XKR6: variants seen among roughly 807,000 people sequenced by gnomAD.
XKR6 encodes XK-related protein 6.
Under a neutral mutation model 56.7 loss-of-function variants are expected in XKR6, and 22 were observed. The ratio of observed to expected loss-of-function variants is 0.39; its 90% CI spans 0.28 to 0.55. XKR6 has a LOEUF of 0.55. Among genes scored for constraint, XKR6 ranks in the 20% least tolerant of loss-of-function variants. The pLI, the probability that XKR6 is intolerant of heterozygous loss-of-function variation, is 0.66. For missense variants in XKR6, 852 were observed against 889.0 expected, an observed-to-expected ratio of 0.96 and a Z score of 0.53; for synonymous variants, 524 against 387.8, an observed-to-expected ratio of 1.35 and a Z score of -4.13.
intron 1 of XKR6, among the ~76,000 whole-genome samples, chr8:11,195,554 A>G (rs1803833243): frequency 6.6e-6 from 1 of 152,204 alleles, no homozygotes; most frequent in African/African-American, 2.4e-5. Flanking sequence ...GGTAAGTCTC[A>G]ACATTCTTCA....
chr8:11,047,357 A>C (rs1799435816), intron 1 of XKR6, among the ~76,000 whole-genome samples: 1 of 152,200 alleles, frequency 6.6e-6, no homozygotes, highest in African/African-American at 2.4e-5. Flanking sequence ...TATGTTAAGA[A>C]TATTTTATTT....
At position 11,127,805 on chromosome 8, in the gene XKR6, C is replaced by T. The variant is rs895648433; in HGVS notation, c.764+72771G>A. Among the ~76,000 whole-genome samples the T allele has an allele frequency of 3.3e-5, 5 of 152,046 alleles. No homozygotes were observed. The East Asian group carries it at 5.8e-4, about 18-fold the overall frequency. ...TCTGGGGATTGGAATATGGACACTG[C>T]GGGGGGCGCCATTAATGTGTCTACC... On this transcript the variant is annotated intron_variant, in intron 1 of 2. Transcript: ENST00000416569.
At chr8:11,157,672 T>C (rs898663487) in intron 1 of XKR6, among the ~76,000 whole-genome samples, 2 of 152,114 alleles carry the variant, frequency 1.3e-5, no homozygotes, top group African/African-American at 4.8e-5. Flanking sequence ...CATGCCACCA[T>C]ACATAGCTAA....
chr8:11,061,858 T>G (rs896351893), intron 1 of XKR6, among the ~76,000 whole-genome samples: 2 of 152,092 alleles, frequency 1.3e-5, no homozygotes, highest in African/African-American at 4.8e-5. Context: ...CTGGAGGCTG[T>G]TAAAATGAGT....
intron 1 of XKR6, among the ~76,000 whole-genome samples, chr8:11,045,642 A>G (rs2129157708): frequency 6.6e-6 from 1 of 152,330 alleles, no homozygotes; most frequent in East Asian, 1.9e-4. Context: ...TGTTGCGGAC[A>G]GCTCGGAGAA....
At chr8:11,108,079 G>A (rs1466805058) in intron 1 of XKR6, 3 of 334,632 alleles carry the variant, frequency 9.0e-6, no homozygotes, top group Non-Finnish European at 1.7e-5. Flanking sequence ...TGTAACAGGT[G>A]GAGAATCCCA....
intron 1 of XKR6, among the ~76,000 whole-genome samples, chr8:10,976,757 C>T (rs1006956960): frequency 5.9e-5 from 8 of 134,896 alleles, no homozygotes; most frequent in African/African-American, 2.3e-4. Flanking sequence ...TCGCCTGTCT[C>T]TCTCTCTCTC....
chr8:11,100,358 T>C (rs1461666269), intron 1 of XKR6, among the ~76,000 whole-genome samples: 1 of 152,222 alleles, frequency 6.6e-6, no homozygotes, highest in Admixed American at 6.5e-5. Context: ...CTTGGCCTCA[T>C]TTTTAAAAAA....
chr8:11,179,812 A>C (rs1246019068), intron 1 of XKR6, among the ~76,000 whole-genome samples: 20 of 152,190 alleles, frequency 1.3e-4, no homozygotes, highest in Non-Finnish European at 2.1e-4. Flanking sequence ...GAGTTTACCA[A>C]GGGAGAAAAC....
At position 11,101,806 on chromosome 8, in the gene XKR6, A is replaced by G. The variant is rs541597497; in HGVS notation, c.764+98770T>C. ...CTCATGCTGTTTAGTTTGTGGGTTT[A>G]TCTCGGCCTGGAGTGTCCTCCTAAG... On this transcript the variant is annotated intron_variant, in intron 1 of 2. Coordinates refer to ENST00000416569, the MANE Select transcript of XKR6 (RefSeq NM_173683.4). Among the ~76,000 whole-genome samples, 38 of 152,138 alleles carry G rather than the reference A, an allele frequency of 2.5e-4. 1 individual carries two copies. The South Asian group carries it at 7.7e-3, about 31-fold the overall frequency.
At chr8:11,147,593 T>C (rs1209668517) in intron 1 of XKR6, among the ~76,000 whole-genome samples, 2 of 149,524 alleles carry the variant, frequency 1.3e-5, no homozygotes, top group African/African-American at 5.0e-5. Flanking sequence ...GAGGCGGAGG[T>C]TGCAGTGAGC....
chr8:10,908,684 C>T (rs1416907202), intron 2 of XKR6, among the ~76,000 whole-genome samples: 2 of 152,130 alleles, frequency 1.3e-5, no homozygotes, highest in African/African-American at 2.4e-5. Context: ...ACTGCAACTC[C>T]CTGCCATGGT....
rs536219897 is a variant in XKR6, at chr8:11,177,428, G to A, written c.764+23148C>T. ...AGAGTTTCAAAACCCATTATGCTAAGAAAAGACCATGAGTGTTATGGGCTC... is the reference window on the plus strand; with the variant it reads ...AGAGTTTCAAAACCCATTATGCTAAAAAAAGACCATGAGTGTTATGGGCTC... On this transcript the variant is annotated intron_variant, in intron 1 of 2. Coordinates refer to ENST00000416569, the MANE Select transcript of XKR6 (RefSeq NM_173683.4). 3.8e-3 allele frequency among the ~76,000 whole-genome samples: 575 copies of A among 152,290 alleles called. 6 individuals are homozygous for A. The highest frequency in any genetic ancestry group is 4.4e-3 in the Non-Finnish European group (299 of 68,014).
rs1302974756 is a variant in XKR6, at chr8:11,094,293, A to G, written c.764+106283T>C. Among the ~76,000 whole-genome samples the G allele has an allele frequency of 5.9e-5, 9 of 152,064 alleles. No individual in the cohort carries two copies. The East Asian group carries it at 1.7e-3, about 29-fold the overall frequency. ...AACCTCTGTCTCCGGGGTTCAAGCG[A>G]TTCTCCTGCTGCAGCCTCCTGAGTA... is the stretch of plus-strand genomic sequence containing the variant. On this transcript the variant is annotated intron_variant, in intron 1 of 2. Transcript: ENST00000416569.
intron 1 of XKR6, among the ~76,000 whole-genome samples, chr8:10,949,396 G>A (rs575867183): frequency 1.3e-5 from 2 of 152,330 alleles, no homozygotes; most frequent in Admixed American, 6.5e-5. Context: ...TGGGAGGCAG[G>A]CAAGCCCCTT....
At chr8:11,179,919 G>A (rs1189344211) in intron 1 of XKR6, among the ~76,000 whole-genome samples, 3 of 152,104 alleles carry the variant, frequency 2.0e-5, no homozygotes, top group African/African-American at 7.2e-5. Flanking sequence ...AATTGCTCAA[G>A]CCCAGGAGTT....
chr8:11,058,218 A>AT (rs909304824), intron 1 of XKR6, among the ~76,000 whole-genome samples: 18 of 151,728 alleles, frequency 1.2e-4, no homozygotes, highest in Admixed American at 2.6e-4. Flanking sequence ...CTCCTGCAAC[A>AT]TTTTTTTTCT....
chr8:11,041,587 G>A (rs760451958), intron 1 of XKR6, among the ~76,000 whole-genome samples: 1 of 151,960 alleles, frequency 6.6e-6, no homozygotes, highest in Admixed American at 6.5e-5. Flanking sequence ...TAGGTTTTGG[G>A]AATGATGTTG....
At chr8:10,943,368 C>T (rs1440717683) in intron 1 of XKR6, among the ~76,000 whole-genome samples, 1 of 152,172 alleles carries the variant, frequency 6.6e-6, no homozygotes, top group Non-Finnish European at 1.5e-5. Context: ...ATTGCCTCTG[C>T]ACCCTGGATT....
Sources: gnomAD v4.1 joint callset for allele counts (sites outside exome capture counted in the v4.1 genomes callset) on GRCh38, gnomAD v4.1.1 for gene constraint, MANE v1.5 for transcripts, NCBI Gene and HGNC (gene_info 2026-07-23, HGNC 2026-07-21) for gene names.